MARCHF1: variants seen among roughly 807,000 people sequenced by gnomAD.
The protein encoded by MARCHF1 is E3 ubiquitin-protein ligase MARCHF1.
A neutral mutation model predicts 54.2 loss-of-function variants in MARCHF1; 40 were observed. The observed-to-expected ratio is 0.74, with a 90% CI of 0.57 to 0.96. MARCHF1 has a LOEUF of 0.96. Ranked by LOEUF, MARCHF1 falls within the 40% of genes least tolerant of loss-of-function variation. MARCHF1 has a pLI of 0.00. For synonymous variants in MARCHF1, 236 were observed against 236.3 expected, an observed-to-expected ratio of 1.00 and a Z score of 0.01; for missense variants, 586 against 656.5, an observed-to-expected ratio of 0.89 and a Z score of 1.17.
chr4:163,904,249 T>C (rs1265820503), intron 3 of MARCHF1, among the ~76,000 whole-genome samples: 2 of 152,102 alleles, frequency 1.3e-5, no homozygotes, highest in African/African-American at 4.8e-5. Flanking sequence ...AATCACAGAA[T>C]CCACAAAAAA....
At position 163,986,249 on chromosome 4, in the gene MARCHF1, CTTTTTTTTTTTTTTTTT is replaced by C. The variant is rs869081083; in HGVS notation, c.-39+2235_-39+2251del. On this transcript the variant is annotated intron_variant, in intron 3 of 9. Coordinates refer to ENST00000514618, the MANE Select transcript of MARCHF1 (RefSeq NM_001394959.1). ...TTCCTTTTCTCCTAATTAACCTCTT[CTTTTTTTTTTTTTTTTT>C]TTTTTTTTTTTTTTGAGATGGAGTG... 5.2e-4 allele frequency among the ~76,000 whole-genome samples: 15 copies of C among 28,896 alleles called. 2 individuals are homozygous for C. The highest frequency in any genetic ancestry group is 9.2e-4 in the Non-Finnish European group (12 of 12,998). 19.0% of individuals were successfully genotyped at this position (28,896 alleles called of 152,430 possible). A position where few individuals can be genotyped will look rare whatever the true frequency, so the allele number is the denominator to read the frequency against.
intron 1 of MARCHF1, among the ~76,000 whole-genome samples, chr4:164,332,288 C>T (rs759165970): frequency 1.3e-5 from 2 of 152,112 alleles, no homozygotes; most frequent in Non-Finnish European, 2.9e-5. Flanking sequence ...TTTTACCTGC[C>T]AGAGCCTGTT....
chr4:163,537,356 TAGAG>T (rs1341197180), intron 9 of MARCHF1, among the ~76,000 whole-genome samples: 1 of 152,192 alleles, frequency 6.6e-6, no homozygotes, highest in Non-Finnish European at 1.5e-5. Context: ...AGGACAATGA[TAGAG>T]AAAGGAAGGC....
At chr4:164,360,887 T>C (rs1447027842) in intron 1 of MARCHF1, among the ~76,000 whole-genome samples, 1 of 152,092 alleles carries the variant, frequency 6.6e-6, no homozygotes, top group Non-Finnish European at 1.5e-5. Context: ...ATAGGTACTA[T>C]TTCTATACTA....
At chr4:163,545,571 G>C in intron 9 of MARCHF1, 25 bp downstream of exon 9, 1 of 1,604,962 alleles carries the variant, frequency 6.2e-7, no homozygotes, top group African/African-American at 1.3e-5. Flanking sequence ...GATCCAAGAG[G>C]GTAAGAAGAA....
chr4:164,022,660 G>T (rs1269032939), intron 2 of MARCHF1, among the ~76,000 whole-genome samples: 2 of 152,246 alleles, frequency 1.3e-5, no homozygotes, highest in East Asian at 1.9e-4. Context: ...AAGCCCAGAA[G>T]CTTTTGTGCA....
intron 4 of MARCHF1, among the ~76,000 whole-genome samples, chr4:163,706,717 TTTC>T (rs1168221173): frequency 2.0e-5 from 3 of 151,972 alleles, no homozygotes; most frequent in African/African-American, 7.2e-5. Flanking sequence ...ATAGAATTTA[TTTC>T]TTGTTTTCTG....
chr4:163,719,474 A>G (rs1403647920), intron 4 of MARCHF1, among the ~76,000 whole-genome samples: 5 of 152,146 alleles, frequency 3.3e-5, no homozygotes, highest in Admixed American at 1.3e-4. Flanking sequence ...TATTGTGAAT[A>G]CTGCCGCAAT....
intron 3 of MARCHF1, chr4:163,932,978 T>C (rs1156988658): frequency 2.5e-6 from 2 of 811,434 alleles, no homozygotes; most frequent in African/African-American, 3.5e-5. Context: ...AGGCATTTGA[T>C]ATAAGCAAGA....
At chr4:163,960,044 C>A (rs908329707) in intron 3 of MARCHF1, among the ~76,000 whole-genome samples, 2 of 151,878 alleles carry the variant, frequency 1.3e-5, no homozygotes, top group African/African-American at 4.8e-5. Flanking sequence ...GGCCAACAAG[C>A]ATATGGAAAA....
intron 1 of MARCHF1, chr4:164,330,174 T>TAAAAA (rs10713917): frequency 7.0e-6 from 1 of 143,730 alleles, no homozygotes; most frequent in Non-Finnish European, 1.5e-5. Context: ...GAAGGAAGGT[T>TAAAAA]AAAAAAAAAA....
chr4:163,798,958 G>C (rs560245930), intron 4 of MARCHF1, among the ~76,000 whole-genome samples: 1 of 151,956 alleles, frequency 6.6e-6, no homozygotes, highest in Admixed American at 6.6e-5. Flanking sequence ...ATGTTAGTTC[G>C]TTTAGTCTTC....
chr4:164,113,170 T>C (rs901942536), intron 1 of MARCHF1, among the ~76,000 whole-genome samples: 1 of 151,906 alleles, frequency 6.6e-6, no homozygotes, highest in African/African-American at 2.4e-5. Context: ...TTAATGAAAT[T>C]GGTATATTAA....
At chr4:164,056,316 G>T (rs562044335) in intron 2 of MARCHF1, among the ~76,000 whole-genome samples, 20 of 152,306 alleles carry the variant, frequency 1.3e-4, no homozygotes, top group African/African-American at 3.6e-4. Context: ...ACACTGAAAG[G>T]TGTGGAGGTA....
intron 4 of MARCHF1, among the ~76,000 whole-genome samples, chr4:163,767,220 C>T (rs967984904): frequency 5.3e-4 from 80 of 151,846 alleles, no homozygotes; most frequent in African/African-American, 1.8e-3. Flanking sequence ...AAAAGGCAAT[C>T]CAGACAGAAA....
chr4:164,202,887 T>C lies in MARCHF1; in HGVS notation c.-322-91225A>G, dbSNP rs567134001. ...TATTTTGAGGTAGTCAATGTAATGT[T>C]TACTCTCTTAGTTCCTTTTGACCTA... is the stretch of plus-strand genomic sequence containing the variant. On this transcript the variant is annotated intron_variant, in intron 1 of 9. Transcript: ENST00000514618. Among the ~76,000 whole-genome samples, 4 of 152,316 alleles carry C rather than the reference T, an allele frequency of 2.6e-5. No individual in the cohort carries two copies. The East Asian group carries it at 7.7e-4, about 29-fold the overall frequency.
intron 1 of MARCHF1, among the ~76,000 whole-genome samples, chr4:164,288,447 A>T (rs1229894707): frequency 6.6e-6 from 1 of 152,096 alleles, no homozygotes; most frequent in Admixed American, 6.6e-5. Flanking sequence ...AATGATGGAG[A>T]TTCAATTCTG....
chr4:163,545,397 CT>C (rs1381325523), intron 9 of MARCHF1, among the ~76,000 whole-genome samples, 198 bp downstream of exon 9: 27 of 152,180 alleles, frequency 1.8e-4, no homozygotes, highest in African/African-American at 6.0e-4. Flanking sequence ...CACATCTCAG[CT>C]TGGGACTCCA....
At chr4:163,634,046 T>C (rs564827128) in intron 5 of MARCHF1, among the ~76,000 whole-genome samples, 178 of 152,290 alleles carry the variant, frequency 1.2e-3, no homozygotes, top group Non-Finnish European at 1.9e-3. Flanking sequence ...AAGCAAATGC[T>C]GAGAGATTCT....
Sources: allele counts gnomAD v4.1 joint callset (sites outside exome capture counted in the v4.1 genomes callset), GRCh38; gene constraint gnomAD v4.1.1; transcripts MANE v1.5; gene names NCBI Gene and HGNC (gene_info 2026-07-23, HGNC 2026-07-21).